The following MBTD1 variants were observed in gnomAD, a reference collection of about 807,000 sequenced individuals.
MBTD1 encodes the protein mbt domain containing 1.
MBTD1 carries 24 observed loss-of-function variants against 87.8 expected under a neutral mutation model. The ratio of observed to expected loss-of-function variants is 0.27; its 90% CI spans 0.20 to 0.38. MBTD1 has a LOEUF of 0.38. Among genes scored for constraint, MBTD1 ranks in the 10% least tolerant of loss-of-function variants. MBTD1 has a pLI of 1.00. For missense variants in MBTD1, 436 were observed against 760.2 expected (o/e 0.57, Z 5.02); for synonymous variants, 237 against 248.6 (o/e 0.95, Z 0.44).
In MBTD1 at chr17:51,199,046, T is replaced by A. The variant is rs1428824277; in HGVS notation, c.1224+2546A>T. Among the ~76,000 whole-genome samples, 4 of 151,906 alleles carry A rather than the reference T, an allele frequency of 2.6e-5. No individual in the cohort carries two copies. In the East Asian group the frequency reaches 7.8e-4, roughly 30 times the overall value. ...CCTGACCTCAAGTGATCCACCTGCC[T>A]TGGAGTCCCAAAGTGCTGGGATTAC... is the stretch of plus-strand genomic sequence containing the variant. On this transcript the variant is annotated intron_variant, in intron 12 of 16. Transcript: ENST00000586178.
At position 51,217,299 on chromosome 17, in the gene MBTD1, G is replaced by A. The variant is rs1166036218; in HGVS notation, c.486+35C>T. ...ACCTTCAGATTTAAACAATGACTAA[G>A]TACTTCAAAATAAGGTGAGAAATTC... On this transcript the variant is annotated intron_variant, in intron 6 of 16. Coordinates refer to ENST00000586178, the MANE Select transcript of MBTD1 (RefSeq NM_017643.3). 4.1e-6 allele frequency: 5 copies of A among 1,213,242 alleles called. No individual in the cohort carries two copies. The Admixed American group carries it at 6.8e-5, about 17-fold the overall frequency. 75.2% of individuals were successfully genotyped at this position (1,213,242 alleles called of 1,614,324 possible). A position where few individuals can be genotyped will look rare whatever the true frequency, so the allele number is the denominator to read the frequency against.
chr17:51,227,465 G>A lies in MBTD1; in HGVS notation c.-48-2256C>T, dbSNP rs141339238. 2.0e-3 allele frequency among the ~76,000 whole-genome samples: 304 copies of A among 152,174 alleles called. 1 individual carries two copies. The highest frequency in any genetic ancestry group is 6.9e-3 in the African/African-American group (287 of 41,506). ...GGTCCCAGCTACTTGGGAGGCTGAAGTAGGAGGATAGCTTGACCTCAGGAG... is the reference window on the plus strand; with the variant it reads ...GGTCCCAGCTACTTGGGAGGCTGAAATAGGAGGATAGCTTGACCTCAGGAG... On this transcript the variant is annotated intron_variant, in intron 2 of 16. Transcript: ENST00000586178.
chr17:51,241,893 T>C (rs1167714262), intron 2 of MBTD1, among the ~76,000 whole-genome samples: 2 of 152,214 alleles, frequency 1.3e-5, no homozygotes, highest in African/African-American at 4.8e-5. Context: ...TAACTCGTTA[T>C]TGTCCTTAAT....
intron 6 of MBTD1, among the ~76,000 whole-genome samples, chr17:51,210,228 C>T (rs938833032): frequency 3.9e-5 from 6 of 151,994 alleles, no homozygotes; most frequent in Admixed American, 3.9e-4. Flanking sequence ...TGACCTCAGA[C>T]GATCTGCCTG....
chr17:51,218,678 A>G (rs1252157252), intron 5 of MBTD1, among the ~76,000 whole-genome samples: 1 of 152,148 alleles, frequency 6.6e-6, no homozygotes. Context: ...GAATCTGTAC[A>G]TGAAAAGTAA....
At chr17:51,229,187 AC>A (rs1237360839) in intron 2 of MBTD1, among the ~76,000 whole-genome samples, 4 of 152,056 alleles carry the variant, frequency 2.6e-5, no homozygotes, top group Admixed American at 6.6e-5. Context: ...AGAAAACAAA[AC>A]CAAACCATTA....
At chr17:51,194,017 A>C (rs554199110) in intron 13 of MBTD1, among the ~76,000 whole-genome samples, 32 of 152,338 alleles carry the variant, frequency 2.1e-4, no homozygotes, top group African/African-American at 7.5e-4. Flanking sequence ...AGTCTAACGC[A>C]AAAGTGGCTC....
In MBTD1 at chr17:51,179,441, C is replaced by T. The variant is rs1251262901; in HGVS notation, c.*1135G>A. ...AGGGAATGTTCAAAATGGTCCAAAT[C>T]GGTTATTATTAAAATAAATCCTGAA... On this transcript the variant is annotated 3_prime_UTR_variant, in exon 17 of 17. Coordinates refer to ENST00000586178, the MANE Select transcript of MBTD1 (RefSeq NM_017643.3). The T allele has an allele frequency of 5.9e-5, 7 of 118,756 alleles. No individual in the cohort carries two copies. The highest frequency in any genetic ancestry group is 4.8e-4 in the East Asian group (2 of 4,156). The allele number at this position is 118,756 out of a possible 1,614,324, so 7.4% of individuals were successfully genotyped here.
At chr17:51,224,940 A>C in intron 3 of MBTD1, 68 bp downstream of exon 3, 1 of 1,022,838 alleles carries the variant, frequency 9.8e-7, no homozygotes, top group East Asian at 3.0e-5. Flanking sequence ...GAAATGACAG[A>C]AGAAACCAAA....
At chr17:51,203,415 ATTTC>A (rs556855366) in intron 8 of MBTD1, among the ~76,000 whole-genome samples, 187 bp from the exon 9 acceptor site, 162 of 152,222 alleles carry the variant, frequency 1.1e-3, no homozygotes, top group African/African-American at 3.7e-3. Flanking sequence ...AACTATTTTA[ATTTC>A]TTTCTTTTTT....
chr17:51,203,004 C>G (rs1241284503), intron 9 of MBTD1, 69 bp from the exon 10 acceptor site: 1 of 1,359,742 alleles, frequency 7.4e-7, no homozygotes, highest in Non-Finnish European at 1.0e-6. Context: ...TTGTATTATA[C>G]TGTAAAAAAT....
At position 51,202,973 on chromosome 17, in the gene MBTD1, A is replaced by T. The variant is rs749765743; in HGVS notation, c.829-38T>A. ...CAAAAAAAACTGCTCGAAATTCATG[A>T]CAAAGGTCTACAAGAAATTTTTGTA... On this transcript the variant is annotated intron_variant, in intron 9 of 16. Transcript: ENST00000586178. 8 of 1,495,758 alleles carry T rather than the reference A, an allele frequency of 5.3e-6. No homozygotes were observed. In the East Asian group the frequency reaches 6.8e-5, roughly 13 times the overall value. The allele number at this position is 1,495,758 out of a possible 1,614,324, so 92.7% of individuals were successfully genotyped here.
intron 2 of MBTD1, among the ~76,000 whole-genome samples, chr17:51,234,992 G>A (rs888931334): frequency 6.6e-6 from 1 of 151,446 alleles, no homozygotes; most frequent in African/African-American, 2.4e-5. Flanking sequence ...CACCACGCCC[G>A]GCCTATATAT....
In MBTD1 at chr17:51,259,985, G is replaced by A; in HGVS notation, c.-263C>T. ...GCCCCCGGCTGGGCCCAGACCGGTG[G>A]CGGGTGCAGCAGCCCCCGGATTTCC... On this transcript the variant is annotated 5_prime_UTR_variant, in exon 1 of 17. Transcript: ENST00000586178. The A allele has an allele frequency of 1.4e-6, 1 of 738,740 alleles. No homozygotes were observed. Among genetic ancestry groups the A allele is most frequent in the Non-Finnish European group, 1.9e-6 (1 of 537,862 alleles). The allele number at this position is 738,740 out of a possible 1,614,324, so 45.8% of individuals were successfully genotyped here. A position where few individuals can be genotyped will look rare whatever the true frequency, so the allele number is the denominator to read the frequency against.
intron 2 of MBTD1, 146 bp downstream of exon 2, chr17:51,258,997 G>C (rs531831624): frequency 2.6e-6 from 1 of 391,754 alleles, no homozygotes; most frequent in South Asian, 1.4e-4. Context: ...GTAAAAAAAG[G>C]AGCAACTTAA....
intron 7 of MBTD1, among the ~76,000 whole-genome samples, chr17:51,205,305 ATTAAAGTGGC>A (rs1182632272): frequency 1.3e-5 from 2 of 152,216 alleles, no homozygotes; most frequent in African/African-American, 4.8e-5. Flanking sequence ...CTACAATGGC[ATTAAAGTGGC>A]TTAAAAGAAG....
intron 6 of MBTD1, among the ~76,000 whole-genome samples, chr17:51,217,095 T>C (rs1598358538): frequency 6.6e-6 from 1 of 152,168 alleles, no homozygotes; most frequent in African/African-American, 2.4e-5. Context: ...AAGAGAAGAC[T>C]AGTACTTCTC....
At chr17:51,225,440 C>T (rs561262380) in intron 2 of MBTD1, among the ~76,000 whole-genome samples, 3 of 152,020 alleles carry the variant, frequency 2.0e-5, no homozygotes, top group African/African-American at 7.2e-5. Flanking sequence ...CAACCTCCAC[C>T]TCCCGCACTC....
At chr17:51,259,686 G>A (rs935969068) in intron 1 of MBTD1, 149 bp downstream of exon 1, 20 of 679,122 alleles carry the variant, frequency 2.9e-5, no homozygotes, top group Non-Finnish European at 4.1e-5. Flanking sequence ...CGGCTGGAAG[G>A]GGGAGGGGGG....
Sources: gnomAD v4.1 joint callset for allele counts (sites outside exome capture counted in the v4.1 genomes callset) on GRCh38, gnomAD v4.1.1 for gene constraint, MANE v1.5 for transcripts, NCBI Gene and HGNC (gene_info 2026-07-23, HGNC 2026-07-21) for gene names.